Variants in ZNF106 observed in about 807,000 individuals in gnomAD.
ZNF106 encodes the protein SH3-domain binding protein 3.
ZNF106 carries 67 observed loss-of-function variants against 195.1 expected under a neutral mutation model. That is an observed-to-expected ratio of 0.34 (90% CI 0.28 to 0.42). ZNF106 has a LOEUF of 0.42. ZNF106 is among the 10% of genes least tolerant of loss of function. The probability of loss-of-function intolerance (pLI) is 1.00; values close to 1 mark genes in which losing one functional copy is unlikely to be tolerated. For missense variants in ZNF106, 2,118 were observed against 2,304.5 expected (o/e 0.92, Z 1.66); for synonymous variants, 784 against 818.6 (o/e 0.96, Z 0.72).
chr15:42,447,927 G>A, intron 6 of ZNF106, 145 bp downstream of exon 6: 2 of 938,278 alleles, frequency 2.1e-6, no homozygotes, highest in Non-Finnish European at 3.2e-6. Flanking sequence ...AAACCAGTAG[G>A]ATGAAAGTAA....
intron 2 of ZNF106, among the ~76,000 whole-genome samples, chr15:42,468,308 C>A (rs1004506391): frequency 6.6e-6 from 1 of 150,860 alleles, no homozygotes; most frequent in Admixed American, 6.6e-5. Context: ...AAACTCCTGA[C>A]CTCAGGTGAT....
chr15:42,429,920 A>C (rs1189227168), intron 14 of ZNF106, among the ~76,000 whole-genome samples: 4 of 152,120 alleles, frequency 2.6e-5, no homozygotes, highest in African/African-American at 9.7e-5. Context: ...ACAGCTAAGC[A>C]CAGAGAAAAG....
chr15:42,429,902 C>G (rs77677482), intron 14 of ZNF106, among the ~76,000 whole-genome samples: 3,118 of 152,106 alleles, frequency 0.02, 151 homozygotes, highest in African/African-American at 0.072. Context: ...TACAGTTATA[C>G]TGATATGACA....
At chr15:42,487,247 T>C (rs1381118282) in intron 1 of ZNF106, among the ~76,000 whole-genome samples, 5 of 152,152 alleles carry the variant, frequency 3.3e-5, no homozygotes, top group African/African-American at 1.2e-4. Flanking sequence ...TTTGGGAGGC[T>C]GAGGCAACAG....
In ZNF106 at chr15:42,416,366, T is replaced by A. The variant is rs566388283; in HGVS notation, c.*938A>T. The A allele has an allele frequency of 1.4e-4, 22 of 152,396 alleles. No individual in the cohort carries two copies. The highest frequency in any genetic ancestry group is 5.1e-4 in the African/African-American group (21 of 41,548). 9.4% of individuals were successfully genotyped at this position (152,396 alleles called of 1,614,324 possible). ...CCCGTGAGCCCAGAGGAATATTCGA[T>A]GGCTGCCATCGGTCTAGGCACGGCC... On this transcript the variant is annotated 3_prime_UTR_variant, in exon 22 of 22. Transcript: ENST00000564754.
At chr15:42,446,119 A>G (rs1015034696) in intron 7 of ZNF106, among the ~76,000 whole-genome samples, 3 of 152,220 alleles carry the variant, frequency 2.0e-5, no homozygotes, top group Non-Finnish European at 2.9e-5. Context: ...TCTATGTGAC[A>G]TCATATATTT....
chr15:42,466,489 T>C (rs2056519183), intron 2 of ZNF106, among the ~76,000 whole-genome samples: 1 of 152,192 alleles, frequency 6.6e-6, no homozygotes, highest in Admixed American at 6.5e-5. Context: ...TTCAACTATT[T>C]GGCTTCTTTT....
chr15:42,450,167 AC>A lies in ZNF106; in HGVS notation c.2104del (p.Val702LeufsTer41). On this transcript the variant is annotated frameshift_variant, in exon 5 of 22. Coordinates refer to ENST00000564754, the MANE Select transcript of ZNF106 (RefSeq NM_001366845.3). LOFTEE classifies it high-confidence loss of function. ...DLKTSLEDAQ[V>X]DDSIKSHVSY... ...TACATGAGATTTAATAGAGTCATCA[AC>A]CTGTGCATCTTCTAGAGAGGTTTTC... The A allele has an allele frequency of 6.2e-7, 1 of 1,614,208 alleles. No individual in the cohort carries two copies. Among genetic ancestry groups the A allele is most frequent in the Non-Finnish European group, 8.5e-7 (1 of 1,180,036 alleles).
At chr15:42,460,380 A>G (rs1170148303) in intron 3 of ZNF106, among the ~76,000 whole-genome samples, 1 of 152,230 alleles carries the variant, frequency 6.6e-6, no homozygotes, top group African/African-American at 2.4e-5. Context: ...TTAAAAATAA[A>G]CATCCATAAT....
chr15:42,449,308 G>C (rs1360162463), intron 5 of ZNF106, among the ~76,000 whole-genome samples: 1 of 152,186 alleles, frequency 6.6e-6, no homozygotes, highest in East Asian at 1.9e-4. Context: ...GCATGTTGTA[G>C]TCATAAAGAT....
intron 4 of ZNF106, among the ~76,000 whole-genome samples, chr15:42,454,293 A>G (rs1348207038): frequency 6.6e-6 from 1 of 152,222 alleles, no homozygotes; most frequent in African/African-American, 2.4e-5. Flanking sequence ...AGTAACAAGT[A>G]TTATTACATG....
At chr15:42,422,085 T>A in intron 18 of ZNF106, 97 bp from the exon 19 acceptor site, 1 of 984,680 alleles carries the variant, frequency 1.0e-6, no homozygotes, top group Non-Finnish European at 1.4e-6. Context: ...AAACCACACC[T>A]GAGGCGCCAA....
intron 3 of ZNF106, among the ~76,000 whole-genome samples, chr15:42,459,801 G>A (rs539090962): frequency 3.2e-4 from 49 of 152,212 alleles, no homozygotes; most frequent in African/African-American, 1.2e-3. Context: ...AGCACTTTGG[G>A]AGGCCGAGGT....
intron 3 of ZNF106, among the ~76,000 whole-genome samples, chr15:42,460,383 T>C (rs2141387974): frequency 6.6e-6 from 1 of 152,214 alleles, no homozygotes; most frequent in Non-Finnish European, 1.5e-5. Flanking sequence ...AAAATAAACA[T>C]CCATAATCGT....
chr15:42,463,501 AC>A (rs1472552329), intron 3 of ZNF106, among the ~76,000 whole-genome samples: 2 of 152,108 alleles, frequency 1.3e-5, no homozygotes, highest in Non-Finnish European at 2.9e-5. Flanking sequence ...ATTCAAGACC[AC>A]CCTGAGCAAC....
intron 1 of ZNF106, among the ~76,000 whole-genome samples, chr15:42,483,738 C>T (rs918254319): frequency 6.6e-6 from 1 of 152,312 alleles, no homozygotes; most frequent in Non-Finnish European, 1.5e-5. Context: ...TTGTTGATCT[C>T]TGTGATCAGA....
rs1299137292 is a variant in ZNF106 at position 42,421,954 on chromosome 15, T to C, written c.5408A>G (p.Lys1803Arg). 6.9e-6 allele frequency: 11 copies of C among 1,588,836 alleles called. No individual in the cohort carries two copies. The highest frequency in any genetic ancestry group is 8.6e-6 in the Non-Finnish European group (10 of 1,165,974). The part of the protein sequence containing the change: ...HDRLQVYGGH[K>R]DMIMCMTIHK... Reference sequence around the variant, plus strand: ...GATGGTCATACACATAATCATGTCTTTGTGTCCTCCATAAACTTGTAATCG... The same window carrying C: ...GATGGTCATACACATAATCATGTCTCTGTGTCCTCCATAAACTTGTAATCG... The change falls in exon 19 of 22, where the codon AAA becomes AGA. Residue 1803 changes from lysine (K) to arginine (R), a missense_variant. Physicochemically the swap from Lys to Arg is conservative, Grantham distance 26. Transcript: ENST00000564754.
intron 7 of ZNF106, among the ~76,000 whole-genome samples, chr15:42,445,350 T>C (rs2055732080): frequency 6.6e-6 from 1 of 152,250 alleles, no homozygotes; most frequent in South Asian, 2.1e-4. Context: ...TTTGCTTAGA[T>C]TGGACTCTAG....
At position 42,451,269 on chromosome 15, in the gene ZNF106, G is replaced by C. The variant is rs536233200; in HGVS notation, c.1003C>G (p.Leu335Val). ...TCCAGCTGCTCAAAATTGAAGTCGA[G>C]TAAGCCTTCTGAAGGAAATTTATCA... ...TSDKFPSEGL[L>V]DFNFEQLESQ... Residue 335 changes from leucine to valine, a missense_variant, in exon 5 of 22, where the codon CTC becomes GTC. Physicochemically the swap from Leu to Val is conservative, Grantham distance 32. Coordinates refer to ENST00000564754, the MANE Select transcript of ZNF106 (RefSeq NM_001366845.3). 6.2e-7 allele frequency: 1 copy of C among 1,614,216 alleles called. No homozygotes were observed. Among genetic ancestry groups the C allele is most frequent in the East Asian group, 2.2e-5 (1 of 44,886 alleles).
Sources: allele counts gnomAD v4.1 joint callset (sites outside exome capture counted in the v4.1 genomes callset), GRCh38; gene constraint gnomAD v4.1.1; transcripts MANE v1.5; gene names NCBI Gene and HGNC (gene_info 2026-07-23, HGNC 2026-07-21).